DAAM2: variants seen among roughly 807,000 people sequenced by gnomAD.
DAAM2 encodes the protein disheveled-associated activator of morphogenesis 2.
A neutral mutation model predicts 120.7 loss-of-function variants in DAAM2; 39 were observed. The observed-to-expected ratio is 0.32, with a 90% CI of 0.25 to 0.42. The LOEUF is 0.42. Ranked by LOEUF, DAAM2 falls within the 10% of genes least tolerant of loss-of-function variation. The pLI, the probability that DAAM2 is intolerant of heterozygous loss-of-function variation, is 1.00. For synonymous variants in DAAM2, 488 were observed against 524.9 expected (o/e 0.93, Z 0.96); for missense variants, 1,283 against 1,401.7 (o/e 0.92, Z 1.35).
At chr6:39,859,866 A>T (rs1322488835) in intron 2 of DAAM2, among the ~76,000 whole-genome samples, 1 of 152,200 alleles carries the variant, frequency 6.6e-6, no homozygotes, top group Non-Finnish European at 1.5e-5. Context: ...GAATAAAAGT[A>T]TAGGGAAAAG....
At position 39,841,434 on chromosome 6, in the gene DAAM2, G is replaced by A. The variant is rs997162462; in HGVS notation, c.-56-14813G>A. ...AGGTGGGGGAGGGCCTCCAGAGGGA[G>A]GGCCTCTACATGGAGGGATTCCTGG... On this transcript the variant is annotated intron_variant, in intron 1 of 24. Transcript: ENST00000274867. 1.2e-3 allele frequency among the ~76,000 whole-genome samples: 189 copies of A among 151,972 alleles called. 1 individual carries two copies. The highest frequency in any genetic ancestry group is 2.6e-3 in the Admixed American group (40 of 15,280).
intron 19 of DAAM2, among the ~76,000 whole-genome samples, chr6:39,894,118 G>A (rs569916485): frequency 6.6e-6 from 1 of 152,164 alleles, no homozygotes; most frequent in South Asian, 2.1e-4. Flanking sequence ...GATGAATATG[G>A]TTGCAAATGT....
At chr6:39,827,669 G>T (rs1375588985) in intron 1 of DAAM2, among the ~76,000 whole-genome samples, 1 of 152,090 alleles carries the variant, frequency 6.6e-6, no homozygotes, top group Non-Finnish European at 1.5e-5. Flanking sequence ...CTCATGCCTG[G>T]ATTACTCTTC....
chr6:39,854,343 A>G (rs2504106), intron 1 of DAAM2, among the ~76,000 whole-genome samples: 93,068 of 152,030 alleles, frequency 0.61, 28,526 homozygotes, highest in Middle Eastern at 0.69. Context: ...TATTGGCTAT[A>G]GAAATGGGGA....
intron 1 of DAAM2, among the ~76,000 whole-genome samples, chr6:39,801,863 C>G (rs914032131): frequency 5.3e-5 from 8 of 152,234 alleles, no homozygotes; most frequent in African/African-American, 1.9e-4. Flanking sequence ...AGCCCCCTGC[C>G]TCCAAGTTCC....
rs370351113 is a variant in DAAM2 at position 39,870,460 on chromosome 6, C to T, written c.977+17C>T. 4.2e-5 allele frequency: 63 copies of T among 1,497,036 alleles called. No homozygotes were observed. Among genetic ancestry groups the T allele is most frequent in the African/African-American group, 8.3e-5 (6 of 72,180 alleles). The allele number at this position is 1,497,036 out of a possible 1,614,324, so 92.7% of individuals were successfully genotyped here. ...CCTGGACAAGTAAGTTCCAAGCACC[C>T]GTCTCCATTGCAAACCTGTGGGGAC... is the stretch of plus-strand genomic sequence containing the variant. On this transcript the variant is annotated intron_variant, in intron 8 of 24. Transcript: ENST00000274867.
chr6:39,899,097 T>C (rs1205890688), intron 22 of DAAM2, 160 bp downstream of exon 22: 1 of 632,628 alleles, frequency 1.6e-6, no homozygotes, highest in Non-Finnish European at 2.8e-6. Context: ...GGGGCTTAAG[T>C]TTGAGCCTTT....
intron 1 of DAAM2, among the ~76,000 whole-genome samples, chr6:39,843,940 G>A (rs1763462022): frequency 6.6e-6 from 1 of 152,056 alleles, no homozygotes; most frequent in Admixed American, 6.6e-5. Flanking sequence ...GCTTGCAGTG[G>A]GAAGGCTGTA....
intron 3 of DAAM2, 115 bp from the exon 4 acceptor site, chr6:39,864,291 GGAGAGTGTAATTTCCTCCAACCCACCC>G: frequency 1.6e-6 from 1 of 622,308 alleles, no homozygotes; most frequent in South Asian, 2.0e-5. Flanking sequence ...GAAGCCTGGG[GGAGAGTGTAATTTCCTCCAACCCACCC>G]GACATGGGCA....
chr6:39,803,228 T>C (rs1380884639), intron 1 of DAAM2, among the ~76,000 whole-genome samples: 2 of 152,228 alleles, frequency 1.3e-5, no homozygotes, highest in Non-Finnish European at 2.9e-5. Context: ...GCCTTCAGCA[T>C]GCATATGTTC....
At chr6:39,820,581 T>C (rs1762456727) in intron 1 of DAAM2, 1 of 152,172 alleles carries the variant, frequency 6.6e-6, no homozygotes, top group South Asian at 2.1e-4. Flanking sequence ...TTTTTTTCTC[T>C]GTATACAGAA....
intron 22 of DAAM2, among the ~76,000 whole-genome samples, chr6:39,899,311 CTTATGTCTCTCTGCCTG>C (rs1186807280): frequency 1.3e-5 from 2 of 152,198 alleles, no homozygotes; most frequent in Non-Finnish European, 2.9e-5. Context: ...AAGGTTCTTC[CTTATGTCTCTCTGCCTG>C]TTTCCTGGGC....
At position 39,900,257 on chromosome 6, in the gene DAAM2, C is replaced by G. The variant is rs759545033; in HGVS notation, c.2811+49C>G. ...GCTTGCCAACCCAGCCTTATCTAAA[C>G]AAGCTCCTTCACCCATTCCTACCAC... On this transcript the variant is annotated intron_variant, in intron 23 of 24. Coordinates refer to ENST00000274867, the MANE Select transcript of DAAM2 (RefSeq NM_001201427.2). 3.1e-6 allele frequency: 5 copies of G among 1,589,808 alleles called. No individual in the cohort carries two copies. The Admixed American group carries it at 5.1e-5, about 16-fold the overall frequency.
chr6:39,900,008 TGTG>T (rs1487571384), intron 22 of DAAM2, 66 bp from the exon 23 acceptor site: 26 of 1,513,484 alleles, frequency 1.7e-5, no homozygotes, highest in Middle Eastern at 3.4e-4. Flanking sequence ...CGAGGGGAGA[TGTG>T]GTGACCCCTG....
At chr6:39,881,519 C>T (rs905794082) in intron 14 of DAAM2, among the ~76,000 whole-genome samples, 1 of 151,994 alleles carries the variant, frequency 6.6e-6, no homozygotes, top group African/African-American at 2.4e-5. Flanking sequence ...GAGTTTGAGA[C>T]CAGCCTGGCC....
intron 1 of DAAM2, among the ~76,000 whole-genome samples, chr6:39,824,916 C>T (rs531693862): frequency 2.0e-5 from 3 of 152,290 alleles, no homozygotes; most frequent in Admixed American, 6.5e-5. Context: ...TTTCTTGGGA[C>T]TTGCCAGTCT....
At chr6:39,876,473 C>A (rs1764871675) in intron 11 of DAAM2, among the ~76,000 whole-genome samples, 1 of 152,190 alleles carries the variant, frequency 6.6e-6, no homozygotes, top group Non-Finnish European at 1.5e-5. Flanking sequence ...CCTACCAATT[C>A]ATTACACTAT....
Position 39,879,165 on chromosome 6 carries a change from T to C in DAAM2, c.1546-13T>C. 1 of 1,524,898 alleles carries C rather than the reference T, an allele frequency of 6.6e-7. No homozygotes were observed. The highest frequency in any genetic ancestry group is 8.8e-7 in the Non-Finnish European group (1 of 1,133,546). The allele number at this position is 1,524,898 out of a possible 1,614,324, so 94.5% of individuals were successfully genotyped here. A position where few individuals can be genotyped will look rare whatever the true frequency, so the allele number is the denominator to read the frequency against. ...GATGGCTTTGTCCTTGCAATTTTTC[T>C]GTTTCCTCACAGACAGGCCCTGTAT... On this transcript the variant is annotated splice_polypyrimidine_tract_variant and intron_variant, in intron 13 of 24. Transcript: ENST00000274867.
chr6:39,822,329 C>G (rs1017208866), intron 1 of DAAM2: 2 of 152,210 alleles, frequency 1.3e-5, no homozygotes, highest in Non-Finnish European at 2.9e-5. Flanking sequence ...GAAGCCTCAG[C>G]CCCTGGCACT....
Sources: allele counts gnomAD v4.1 joint callset (sites outside exome capture counted in the v4.1 genomes callset), GRCh38; gene constraint gnomAD v4.1.1; transcripts MANE v1.5; gene names NCBI Gene and HGNC (gene_info 2026-07-23, HGNC 2026-07-21).